Variants in SGIP1 observed in about 807,000 individuals in gnomAD.
SGIP1 encodes the protein SH3GL interacting endocytic adaptor 1.
SGIP1 carries 38 observed loss-of-function variants against 107.5 expected under a neutral mutation model. The ratio of observed to expected loss-of-function variants is 0.35; its 90% CI spans 0.27 to 0.46. SGIP1 has a LOEUF of 0.46. Among genes scored for constraint, SGIP1 ranks in the 20% least tolerant of loss-of-function variants. The pLI is 1.00. For synonymous variants in SGIP1, 365 were observed against 366.1 expected, an observed-to-expected ratio of 1.00 and a Z score of 0.03; for missense variants, 929 against 1,019.5, an observed-to-expected ratio of 0.91 and a Z score of 1.21.
At chr1:66,659,948 GAAAAAGAAAGAAAGA>G (rs2080600395) in intron 7 of SGIP1, among the ~76,000 whole-genome samples, 1 of 35,012 alleles carries the variant, frequency 2.9e-5, no homozygotes, top group Non-Finnish European at 4.7e-5. Flanking sequence ...GAAAAAGAAA[GAAAAAGAAAGAAAGA>G]AAGAAAGAAA....
rs756094590 is a variant in SGIP1 at position 66,660,179 on chromosome 1, GAA to G, written c.460-332_460-331del. 3.7e-5 allele frequency: 5 copies of G among 136,356 alleles called. 2 individuals carry two copies. Among genetic ancestry groups the G allele is most frequent in the African/African-American group, 2.5e-4 (5 of 19,670 alleles). The allele number at this position is 136,356 out of a possible 1,614,324, so 8.4% of individuals were successfully genotyped here. A position where few individuals can be genotyped will look rare whatever the true frequency, so the allele number is the denominator to read the frequency against. On this transcript the variant is annotated intron_variant, in intron 7 of 24. Coordinates refer to ENST00000371037, the MANE Select transcript of SGIP1 (RefSeq NM_032291.4). ...AGAAAGAAAGAAAGAAAGAAAGAAAGAAAGAAAGAAAGAAAGAAAGAAAGAAA... is the reference window on the plus strand; with the variant it reads ...AGAAAGAAAGAAAGAAAGAAAGAAAGAGAAAGAAAGAAAGAAAGAAAGAAA...
chr1:66,721,878 G>A (rs902933708), intron 19 of SGIP1, among the ~76,000 whole-genome samples: 2 of 151,984 alleles, frequency 1.3e-5, no homozygotes, highest in East Asian at 1.9e-4. Flanking sequence ...CCCTTCTTCC[G>A]CTTTTGCACC....
At chr1:66,644,825 T>C (rs2077386677) in intron 7 of SGIP1, among the ~76,000 whole-genome samples, 1 of 152,126 alleles carries the variant, frequency 6.6e-6, no homozygotes, top group Non-Finnish European at 1.5e-5. Context: ...GTAAATAATA[T>C]TTAAGGTGAT....
Position 66,656,320 on chromosome 1 carries a change from C to T in SGIP1, c.460-4193C>T, listed in dbSNP as rs557650796. 2.0e-4 allele frequency among the ~76,000 whole-genome samples: 31 copies of T among 152,256 alleles called. No individual in the cohort carries two copies. In the South Asian group the frequency reaches 3.7e-3, roughly 18 times the overall value. ...TCTGAAATACCTCCTGAAGGACCTG[C>T]GCAAGGCTGTTTTACAGTTAGTTAA... On this transcript the variant is annotated intron_variant, in intron 7 of 24. Coordinates refer to ENST00000371037, the MANE Select transcript of SGIP1 (RefSeq NM_032291.4).
chr1:66,739,466 C>T lies in SGIP1; in HGVS notation c.2163C>T (p.Asn721=). The T allele has an allele frequency of 6.2e-7, 1 of 1,614,156 alleles. No individual in the cohort carries two copies. Among genetic ancestry groups the T allele is most frequent in the Non-Finnish European group, 8.5e-7 (1 of 1,180,032 alleles). ...CAATGACGACTGCTGTGGCCCTCAACAATGTGCAGTTCCTGGTCCCCATCG... is the reference window on the plus strand; with the variant it reads ...CAATGACGACTGCTGTGGCCCTCAATAATGTGCAGTTCCTGGTCCCCATCG... ...TDAMTTAVAL[N]NVQFLVPIDG... The change falls in exon 22 of 25, where the codon AAC becomes AAT. Residue 721 remains asparagine, a synonymous_variant. Transcript: ENST00000371037.
chr1:66,584,809 C>T (rs1385429486), intron 1 of SGIP1, among the ~76,000 whole-genome samples: 3 of 152,152 alleles, frequency 2.0e-5, no homozygotes, highest in East Asian at 1.9e-4. Flanking sequence ...TATTATTCAG[C>T]AAATATGATA....
chr1:66,615,586 T>C (rs2069082582), intron 1 of SGIP1, among the ~76,000 whole-genome samples: 1 of 152,238 alleles, frequency 6.6e-6, no homozygotes, highest in African/African-American at 2.4e-5. Flanking sequence ...GCATTTCTGG[T>C]ATTATCCAGT....
At chr1:66,624,475 T>C (rs950537537) in intron 1 of SGIP1, among the ~76,000 whole-genome samples, 1 of 152,194 alleles carries the variant, frequency 6.6e-6, no homozygotes, top group Non-Finnish European at 1.5e-5. Flanking sequence ...AAAATTGACA[T>C]TTTAAAGACC....
chr1:66,607,233 G>A (rs758393239), intron 1 of SGIP1, among the ~76,000 whole-genome samples: 3 of 152,128 alleles, frequency 2.0e-5, no homozygotes, highest in Non-Finnish European at 4.4e-5. Flanking sequence ...TTTCAAAAAC[G>A]AAACACTGTT....
chr1:66,682,379 ATGCT>A lies in SGIP1; in HGVS notation c.1315+13_1315+16del, dbSNP rs1557609225. 6.3e-7 allele frequency: 1 copy of A among 1,596,896 alleles called. No individual in the cohort carries two copies. Among genetic ancestry groups the A allele is most frequent in the South Asian group, 1.1e-5 (1 of 88,130 alleles). On this transcript the variant is annotated intron_variant, in intron 15 of 24. Coordinates refer to ENST00000371037, the MANE Select transcript of SGIP1 (RefSeq NM_032291.4). ...CCGGGGACCACCAGTGGTATGTCTT[ATGCT>A]TGAGTGTGCTTCTTGTGACGGGGAA...
At chr1:66,541,390 G>A (rs2054901689) in intron 1 of SGIP1, among the ~76,000 whole-genome samples, 1 of 152,264 alleles carries the variant, frequency 6.6e-6, no homozygotes, top group African/African-American at 2.4e-5. Context: ...TTCTGTGAAT[G>A]TCTTGTGACA....
At chr1:66,631,044 G>GA (rs2074464662) in intron 2 of SGIP1, among the ~76,000 whole-genome samples, 37 of 102,718 alleles carry the variant, frequency 3.6e-4, no homozygotes, top group African/African-American at 1.4e-3. Flanking sequence ...AGGAAGAAAG[G>GA]AAGAAAGAAA....
At chr1:66,621,987 C>T (rs191637290) in intron 1 of SGIP1, among the ~76,000 whole-genome samples, 18 of 152,284 alleles carry the variant, frequency 1.2e-4, no homozygotes, top group Non-Finnish European at 2.4e-4. Context: ...AATCTGATGT[C>T]TCTGTAGGAG....
chr1:66,675,573 T>G (rs1045114743), intron 12 of SGIP1, among the ~76,000 whole-genome samples: 4 of 123,462 alleles, frequency 3.2e-5, no homozygotes, highest in Non-Finnish European at 6.5e-5. Flanking sequence ...AGAATCTCAC[T>G]CTGTCACCCA....
In SGIP1 at chr1:66,638,050, A is replaced by T. The variant is rs573058235; in HGVS notation, c.172-1727A>T. ...ACAATCCTAGATCACAAAATTCATG[A>T]GTTTACTTTTCTGGAATCTGCTTAG... is the stretch of plus-strand genomic sequence containing the variant. On this transcript the variant is annotated intron_variant, in intron 4 of 24. Transcript: ENST00000371037. Among the ~76,000 whole-genome samples, 3 of 152,088 alleles carry T rather than the reference A, an allele frequency of 2.0e-5. No homozygotes were observed. In the South Asian group the frequency reaches 6.2e-4, roughly 32 times the overall value.
chr1:66,602,765 C>G (rs1021538954), intron 1 of SGIP1, among the ~76,000 whole-genome samples: 1 of 152,096 alleles, frequency 6.6e-6, no homozygotes, highest in South Asian at 2.1e-4. Context: ...TGGCTCACCT[C>G]GAAAATTACT....
intron 1 of SGIP1, among the ~76,000 whole-genome samples, chr1:66,552,867 C>T (rs1324196222): frequency 6.6e-6 from 1 of 152,060 alleles, no homozygotes; most frequent in Admixed American, 6.6e-5. Context: ...ACGACTTCAA[C>T]CACTATAAGG....
At chr1:66,593,421 A>G (rs2064020352) in intron 1 of SGIP1, among the ~76,000 whole-genome samples, 1 of 152,218 alleles carries the variant, frequency 6.6e-6, no homozygotes, top group East Asian at 1.9e-4. Context: ...GCAATGAATA[A>G]GAGTCCCTGT....
chr1:66,667,179 A>ACCC (rs61197134), intron 8 of SGIP1, among the ~76,000 whole-genome samples: 9 of 148,818 alleles, frequency 6.0e-5, no homozygotes, highest in South Asian at 2.1e-4. Context: ...TTCTCTAAGT[A>ACCC]CCCCCCCCCA....
Sources: gnomAD v4.1 joint callset for allele counts (sites outside exome capture counted in the v4.1 genomes callset) on GRCh38, gnomAD v4.1.1 for gene constraint, MANE v1.5 for transcripts, NCBI Gene and HGNC (gene_info 2026-07-23, HGNC 2026-07-21) for gene names.